RBFOX1: variants seen among roughly 807,000 people sequenced by gnomAD.
RBFOX1 encodes RNA binding fox-1 homolog 1.
RBFOX1 carries 8 observed loss-of-function variants against 57.7 expected under a neutral mutation model. The ratio of observed to expected loss-of-function variants is 0.14; its 90% CI spans 0.08 to 0.25. The LOEUF (loss-of-function observed/expected upper bound fraction) is 0.25, where lower values mean the gene tolerates loss of function less well. Among genes scored for constraint, RBFOX1 ranks in the 10% least tolerant of loss-of-function variants. RBFOX1 has a pLI of 1.00. For synonymous variants in RBFOX1, 326 were observed against 222.4 expected (o/e 1.47, Z -4.15); for missense variants, 611 against 548.5 (o/e 1.11, Z -1.14).
chr16:7,428,890 G>A (rs1269419985), intron 4 of RBFOX1, among the ~76,000 whole-genome samples: 1 of 152,108 alleles, frequency 6.6e-6, no homozygotes, highest in Non-Finnish European at 1.5e-5. Flanking sequence ...AGCAACAGTA[G>A]TAGTGAGTGA....
At chr16:6,963,781 C>T (rs1398793712) in intron 3 of RBFOX1, among the ~76,000 whole-genome samples, 12 of 151,960 alleles carry the variant, frequency 7.9e-5, no homozygotes, top group Non-Finnish European at 1.5e-4. Context: ...TCACTGCAAG[C>T]TCCACCTCCC....
intron 4 of RBFOX1, among the ~76,000 whole-genome samples, chr16:7,288,312 C>G (rs1041388210): frequency 1.3e-5 from 2 of 152,166 alleles, no homozygotes; most frequent in African/African-American, 4.8e-5. Context: ...AGGAATGCAT[C>G]ATACAATAAA....
At chr16:7,136,108 A>G (rs2071875035) in intron 4 of RBFOX1, among the ~76,000 whole-genome samples, 1 of 152,218 alleles carries the variant, frequency 6.6e-6, no homozygotes, top group Non-Finnish European at 1.5e-5. Context: ...AAGAATGTCA[A>G]AGGAAGAGAT....
intron 3 of RBFOX1, among the ~76,000 whole-genome samples, chr16:6,932,586 C>G (rs1318832867): frequency 6.6e-6 from 1 of 152,132 alleles, no homozygotes; most frequent in Middle Eastern, 3.2e-3. Context: ...TCGTAGGCCT[C>G]ACTTCCTCAT....
chr16:6,268,335 A>G (rs771364454), intron 1 of RBFOX1, among the ~76,000 whole-genome samples: 3 of 152,222 alleles, frequency 2.0e-5, no homozygotes, highest in Non-Finnish European at 2.9e-5. Context: ...CTCTGCTCCC[A>G]TCACCCTAAT....
At chr16:6,008,834 G>T (rs970350293) in intron 4 of RBFOX1, among the ~76,000 whole-genome samples, 17 of 152,162 alleles carry the variant, frequency 1.1e-4, no homozygotes, top group African/African-American at 4.1e-4. Context: ...TGCTTTTATT[G>T]CCAAGTTGCT....
chr16:6,601,375 A>T (rs561970070), intron 2 of RBFOX1, among the ~76,000 whole-genome samples: 1 of 152,166 alleles, frequency 6.6e-6, no homozygotes, highest in African/African-American at 2.4e-5. Context: ...ATGGAGATGA[A>T]GGTGAGAGTT....
intron 4 of RBFOX1, among the ~76,000 whole-genome samples, chr16:5,869,930 T>G (rs1183253924): frequency 6.6e-6 from 1 of 152,070 alleles, no homozygotes; most frequent in Non-Finnish European, 1.5e-5. Flanking sequence ...AAATGTCTAT[T>G]AACAGAGTAA....
chr16:6,254,347 T>A (rs2097647325), intron 1 of RBFOX1, among the ~76,000 whole-genome samples: 1 of 152,174 alleles, frequency 6.6e-6, no homozygotes, highest in South Asian at 2.1e-4. Context: ...ATTGTTTTTA[T>A]CAAAATCATG....
intron 3 of RBFOX1, among the ~76,000 whole-genome samples, chr16:6,758,773 A>G (rs981232824): frequency 6.6e-6 from 1 of 152,208 alleles, no homozygotes; most frequent in African/African-American, 2.4e-5. Flanking sequence ...TAAAACTTGC[A>G]TCATGGGGTT....
At chr16:5,814,135 C>T (rs2055534950) in intron 3 of RBFOX1, among the ~76,000 whole-genome samples, 2 of 152,162 alleles carry the variant, frequency 1.3e-5, no homozygotes, top group South Asian at 4.2e-4. Context: ...CTTCCCCTCT[C>T]CAAAATCCTG....
intron 1 of RBFOX1, among the ~76,000 whole-genome samples, chr16:6,077,387 C>T (rs143736352): frequency 1.1e-3 from 174 of 152,230 alleles, no homozygotes; most frequent in African/African-American, 4.0e-3. Context: ...TTGAAAGGCA[C>T]AGTTTGGGGC....
At chr16:6,493,592 A>G (rs1021145419) in intron 2 of RBFOX1, among the ~76,000 whole-genome samples, 9 of 152,222 alleles carry the variant, frequency 5.9e-5, no homozygotes, top group African/African-American at 2.2e-4. Flanking sequence ...CCACTGTGAA[A>G]GATGTTTACT....
chr16:6,293,498 T>G (rs2077691874), intron 1 of RBFOX1, among the ~76,000 whole-genome samples: 1 of 152,190 alleles, frequency 6.6e-6, no homozygotes, highest in Admixed American at 6.5e-5. Flanking sequence ...GGTCCTTGGA[T>G]AAGCTCTTGG....
intron 1 of RBFOX1, among the ~76,000 whole-genome samples, chr16:5,341,242 G>A (rs2065024736): frequency 6.6e-6 from 1 of 152,138 alleles, no homozygotes. Context: ...TTCAGATTTT[G>A]CTTTAAACCT....
chr16:6,037,555 G>A (rs1234945819), intron 1 of RBFOX1: 3 of 150,560 alleles, frequency 2.0e-5, no homozygotes, highest in African/African-American at 4.9e-5. Flanking sequence ...TCCGTTGAAT[G>A]CATTTTCTTT....
At chr16:5,447,858 C>T (rs1023779340) in intron 1 of RBFOX1, among the ~76,000 whole-genome samples, 1 of 152,212 alleles carries the variant, frequency 6.6e-6, no homozygotes, top group African/African-American at 2.4e-5. Context: ...AAAGTGGCCA[C>T]CACCCCTGTT....
chr16:5,963,673 G>C (rs980641266), intron 4 of RBFOX1, among the ~76,000 whole-genome samples: 1 of 152,134 alleles, frequency 6.6e-6, no homozygotes, highest in African/African-American at 2.4e-5. Flanking sequence ...TGGTCTCTTC[G>C]AGAAATGTTA....
Position 6,355,225 on chromosome 16 carries a change from G to T in RBFOX1, c.-64+38168G>T, listed in dbSNP as rs2429645. ...AGGTATACGTGTGCCATGGTGGTTT[G>T]CTGCACTCATCAACCCATCACCTAC... On this transcript the variant is annotated intron_variant, in intron 2 of 15. Transcript: ENST00000550418. 7.7e-3 allele frequency among the ~76,000 whole-genome samples: 1,170 copies of T among 152,226 alleles called. 21 individuals carry two copies. Among genetic ancestry groups the T allele is most frequent in the African/African-American group, 0.027 (1,104 of 41,540 alleles).
Sources: gnomAD v4.1 joint callset for allele counts (sites outside exome capture counted in the v4.1 genomes callset) on GRCh38, gnomAD v4.1.1 for gene constraint, MANE v1.5 for transcripts, NCBI Gene and HGNC (gene_info 2026-07-23, HGNC 2026-07-21) for gene names.